The following SH3BP5 variants were observed in gnomAD, a reference collection of about 807,000 sequenced individuals.
The protein encoded by SH3BP5 is SH3 domain binding protein 5.
A neutral mutation model predicts 43.3 loss-of-function variants in SH3BP5; 22 were observed. The observed-to-expected ratio is 0.51, with a 90% CI of 0.36 to 0.73. The LOEUF is 0.73. Among genes scored for constraint, SH3BP5 ranks in the 30% least tolerant of loss-of-function variants. SH3BP5 has a pLI of 0.00. For synonymous variants in SH3BP5, 255 were observed against 225.8 expected (o/e 1.13, Z -1.16); for missense variants, 529 against 586.9 (o/e 0.90, Z 1.02).
intron 3 of SH3BP5, among the ~76,000 whole-genome samples, chr3:15,271,449 G>C (rs1401089956): frequency 6.6e-6 from 1 of 152,138 alleles, no homozygotes; most frequent in African/African-American, 2.4e-5. Context: ...GGAGGCTGAG[G>C]CAGGTGGATC....
At chr3:15,265,288 G>T (rs1046380490) in intron 4 of SH3BP5, among the ~76,000 whole-genome samples, 3 of 152,092 alleles carry the variant, frequency 2.0e-5, no homozygotes, top group African/African-American at 7.2e-5. Flanking sequence ...GGCCAAGGCG[G>T]GCAGATCACT....
chr3:15,289,937 A>G (rs996635078), intron 3 of SH3BP5, among the ~76,000 whole-genome samples: 2 of 152,206 alleles, frequency 1.3e-5, no homozygotes, highest in African/African-American at 4.8e-5. Flanking sequence ...CCCTGAGATC[A>G]AGAGACTTAA....
intron 1 of SH3BP5, among the ~76,000 whole-genome samples, chr3:15,337,871 T>C (rs1698720356): frequency 7.8e-6 from 1 of 127,924 alleles, no homozygotes; most frequent in Non-Finnish European, 1.6e-5. Flanking sequence ...ACTAAGGAAG[T>C]GCCATGGCAC....
intron 1 of SH3BP5, among the ~76,000 whole-genome samples, chr3:15,340,615 G>A (rs1244461992): frequency 1.3e-5 from 2 of 152,020 alleles, no homozygotes; most frequent in African/African-American, 4.8e-5. Flanking sequence ...GCCAGGCGTG[G>A]TGGCAGGCAC....
chr3:15,280,782 C>T (rs981835241), intron 3 of SH3BP5, among the ~76,000 whole-genome samples: 4 of 152,218 alleles, frequency 2.6e-5, no homozygotes, highest in African/African-American at 9.6e-5. Flanking sequence ...CACGTCCACT[C>T]ACAATTCTCT....
chr3:15,337,637 G>C (rs898324326), intron 1 of SH3BP5, among the ~76,000 whole-genome samples: 7 of 151,976 alleles, frequency 4.6e-5, no homozygotes, highest in Non-Finnish European at 1.0e-4. Flanking sequence ...CCCAGGCCAG[G>C]TCTCACACCT....
At chr3:15,256,327 A>T (rs752622243) in intron 8 of SH3BP5, 24 bp from the exon 9 acceptor site, 1 of 1,604,314 alleles carries the variant, frequency 6.2e-7, no homozygotes, top group Non-Finnish European at 8.5e-7. Flanking sequence ...AGGATTATCA[A>T]AAGTGAGTAT....
At chr3:15,275,334 C>T (rs1696932364) in intron 3 of SH3BP5, among the ~76,000 whole-genome samples, 1 of 152,242 alleles carries the variant, frequency 6.6e-6, no homozygotes, top group South Asian at 2.1e-4. Flanking sequence ...AAGTCAGAAA[C>T]CAATCAATTT....
chr3:15,336,360 G>A (rs1698700928), upstream of SH3BP5, among the ~76,000 whole-genome samples: 3 of 152,124 alleles, frequency 2.0e-5, no homozygotes, highest in Admixed American at 2.0e-4. Context: ...GATGCTTTAG[G>A]TCATGGTAAG....
At position 15,254,881 on chromosome 3, in the gene SH3BP5, G is replaced by GTGTATTAAGACAAGT. The variant is rs1274435955; in HGVS notation, c.*1190_*1204dup. On this transcript the variant is annotated 3_prime_UTR_variant, in exon 9 of 9. Coordinates refer to ENST00000383791, the MANE Select transcript of SH3BP5 (RefSeq NM_004844.5). ...TCTCAAGCCGTTTTTATTACACTTA[G>GTGTATTAAGACAAGT]TGTATTAAGACAAGTACAAAATAAC... 1 of 152,142 alleles carries GTGTATTAAGACAAGT rather than the reference G, an allele frequency of 6.6e-6. No homozygotes were observed. The highest frequency in any genetic ancestry group is 1.5e-5 in the Non-Finnish European group (1 of 68,026). The allele number at this position is 152,142 out of a possible 1,614,324, so 9.4% of individuals were successfully genotyped here.
At chr3:15,272,617 C>T (rs9821482) in intron 3 of SH3BP5, among the ~76,000 whole-genome samples, 7,923 of 40,462 alleles carry the variant, frequency 0.2, 237 homozygotes, top group African/African-American at 0.34. Context: ...ACAGAGTGCC[C>T]GTAGGATAAA....
At chr3:15,272,290 G>A (rs1384038326) in intron 3 of SH3BP5, among the ~76,000 whole-genome samples, 2 of 152,166 alleles carry the variant, frequency 1.3e-5, no homozygotes, top group African/African-American at 4.8e-5. Context: ...ACAATCAGAT[G>A]GAGACCCGAA....
intron 2 of SH3BP5, among the ~76,000 whole-genome samples, chr3:15,329,281 C>A (rs1354961512): frequency 6.6e-6 from 1 of 152,188 alleles, no homozygotes; most frequent in African/African-American, 2.4e-5. Context: ...TCTGGAAATG[C>A]TAAAGCCCTA....
chr3:15,332,489 G>T lies in SH3BP5; in HGVS notation c.-81C>A, dbSNP rs561165123. On this transcript the variant is annotated 5_prime_UTR_variant, in exon 1 of 9. Transcript: ENST00000383791. ...GGCTGCCACAGGCTGGGCTGGAGCC[G>T]CCTCGCCACAGCCGGGCACGGTCGG... is the stretch of plus-strand genomic sequence containing the variant. The T allele has an allele frequency of 1.5e-6, 2 of 1,359,714 alleles. No homozygotes were observed. Among genetic ancestry groups the T allele is most frequent in the South Asian group, 1.7e-5 (1 of 57,750 alleles). 84.2% of individuals were successfully genotyped at this position (1,359,714 alleles called of 1,614,324 possible). A position where few individuals can be genotyped will look rare whatever the true frequency, so the allele number is the denominator to read the frequency against.
chr3:15,327,149 G>C (rs1698483943), intron 2 of SH3BP5, among the ~76,000 whole-genome samples: 1 of 152,062 alleles, frequency 6.6e-6, no homozygotes, highest in African/African-American at 2.4e-5. Context: ...TGGCGGTGGG[G>C]AGGGGGGTAG....
chr3:15,320,391 G>C (rs1456805628), intron 2 of SH3BP5, among the ~76,000 whole-genome samples: 1 of 152,104 alleles, frequency 6.6e-6, no homozygotes, highest in African/African-American at 2.4e-5. Context: ...AAATGAAAGA[G>C]GCTGACTTGC....
intron 4 of SH3BP5, among the ~76,000 whole-genome samples, chr3:15,267,886 G>A (rs1696687542): frequency 6.6e-6 from 1 of 152,180 alleles, no homozygotes; most frequent in Admixed American, 6.5e-5. Flanking sequence ...CTTCTGAAAT[G>A]CTTGCTTATA....
intron 1 of SH3BP5, 91 bp downstream of exon 1, chr3:15,332,180 C>T: frequency 2.6e-6 from 4 of 1,530,608 alleles, no homozygotes; most frequent in South Asian, 1.2e-5. Context: ...ACCACAGTTA[C>T]TGGGGGCTGC....
intron 3 of SH3BP5, among the ~76,000 whole-genome samples, chr3:15,289,960 C>A (rs995011208): frequency 6.6e-6 from 1 of 152,206 alleles, no homozygotes; most frequent in Non-Finnish European, 1.5e-5. Flanking sequence ...AATGCAAAAA[C>A]CTCAGAAGAT....
Sources: allele counts gnomAD v4.1 joint callset (sites outside exome capture counted in the v4.1 genomes callset), GRCh38; gene constraint gnomAD v4.1.1; transcripts MANE v1.5; gene names NCBI Gene and HGNC (gene_info 2026-07-23, HGNC 2026-07-21).